The following IPCEF1 variants were observed in gnomAD, a reference collection of about 807,000 sequenced individuals.
The protein encoded by IPCEF1 is interaction protein for cytohesin exchange factors 1, also known as interactor protein for cytohesin exchange factors 1.
In IPCEF1, 31 loss-of-function variants were observed where a neutral mutation model predicts 50.9. The observed-to-expected ratio is 0.61, with a 90% CI of 0.46 to 0.82. The LOEUF (loss-of-function observed/expected upper bound fraction) is 0.82, where lower values mean the gene tolerates loss of function less well. IPCEF1 is among the 40% of genes least tolerant of loss of function. The pLI is 0.00. For synonymous variants in IPCEF1, 181 were observed against 192.0 expected (o/e 0.94, Z 0.47); for missense variants, 458 against 514.0 (o/e 0.89, Z 1.05).
At chr6:154,323,557 G>A (rs1783444571) in intron 1 of IPCEF1, among the ~76,000 whole-genome samples, 1 of 141,268 alleles carries the variant, frequency 7.1e-6, no homozygotes, top group African/African-American at 2.7e-5. Context: ...ATAAATATTT[G>A]CATTACTATC....
At chr6:154,259,251 C>T (rs964865226) in intron 3 of IPCEF1, among the ~76,000 whole-genome samples, 4 of 152,168 alleles carry the variant, frequency 2.6e-5, no homozygotes, top group African/African-American at 9.7e-5. Context: ...TTTTGCTGAA[C>T]AAATCTCTAG....
At chr6:154,354,348 CCATGTCTACCATCACTTCTACCATCTGT>C in intron 1 of IPCEF1, among the ~76,000 whole-genome samples, 1 of 146,176 alleles carries the variant, frequency 6.8e-6, no homozygotes, top group Admixed American at 7.0e-5. Flanking sequence ...ACCATCTCCA[CCATGTCTACCATCACTTCTACCATCTGT>C]CACCTCCACC....
chr6:154,315,338 C>T (rs922628960), intron 1 of IPCEF1, among the ~76,000 whole-genome samples: 5 of 152,152 alleles, frequency 3.3e-5, no homozygotes, highest in Non-Finnish European at 5.9e-5. Context: ...TTTCTATGAA[C>T]ATGACATTTC....
chr6:154,218,949 C>T (rs1471185843), intron 7 of IPCEF1: 4 of 152,094 alleles, frequency 2.6e-5, no homozygotes, highest in Non-Finnish European at 4.4e-5. Flanking sequence ...CATAGATAGG[C>T]GGTAAGATCT....
intron 3 of IPCEF1, among the ~76,000 whole-genome samples, chr6:154,265,582 T>C (rs762246336): frequency 3.3e-5 from 5 of 152,134 alleles, no homozygotes; most frequent in Non-Finnish European, 7.4e-5. Flanking sequence ...CCCAGCCCTA[T>C]TTCAGTGAAA....
intron 1 of IPCEF1, among the ~76,000 whole-genome samples, chr6:154,290,361 A>G (rs1210992869): frequency 6.6e-6 from 1 of 152,198 alleles, no homozygotes; most frequent in Non-Finnish European, 1.5e-5. Context: ...GGAGAGACAG[A>G]AACCCCTGTA....
intron 1 of IPCEF1, among the ~76,000 whole-genome samples, chr6:154,353,529 C>T (rs1449582382): frequency 2.0e-5 from 3 of 152,138 alleles, no homozygotes; most frequent in Admixed American, 6.6e-5. Context: ...TCAGGTGATC[C>T]GCCCGCCTTG....
At chr6:154,333,623 C>A (rs190973259) in intron 1 of IPCEF1, among the ~76,000 whole-genome samples, 1 of 143,608 alleles carries the variant, frequency 7.0e-6, no homozygotes, top group South Asian at 2.2e-4. Context: ...TACATATATA[C>A]GTACATATGT....
At chr6:154,197,484 AT>A (rs1473098445) in intron 10 of IPCEF1, among the ~76,000 whole-genome samples, 3 of 152,234 alleles carry the variant, frequency 2.0e-5, no homozygotes, top group Admixed American at 6.5e-5. Context: ...GAGAAAAAAA[AT>A]ACTTTCATTT....
intron 1 of IPCEF1, among the ~76,000 whole-genome samples, chr6:154,332,956 A>G (rs1333231750): frequency 6.6e-6 from 1 of 152,192 alleles, no homozygotes; most frequent in Non-Finnish European, 1.5e-5. Flanking sequence ...TTGGTCAGAG[A>G]GAATCGAAAA....
chr6:154,297,352 C>T (rs773157723), intron 1 of IPCEF1, among the ~76,000 whole-genome samples: 1 of 152,074 alleles, frequency 6.6e-6, no homozygotes, highest in Non-Finnish European at 1.5e-5. Context: ...AAGTCATTAC[C>T]TTTCTAGGTG....
intron 10 of IPCEF1, among the ~76,000 whole-genome samples, chr6:154,191,986 C>A (rs532788920): frequency 2.6e-5 from 4 of 152,022 alleles, no homozygotes; most frequent in African/African-American, 9.6e-5. Flanking sequence ...AAAGTGTTCA[C>A]CAATAGTAGA....
At chr6:154,214,324 C>T (rs181721099) in intron 7 of IPCEF1, 48 bp from the exon 8 acceptor site, 2 of 1,191,710 alleles carry the variant, frequency 1.7e-6, no homozygotes, top group Non-Finnish European at 1.3e-6. Flanking sequence ...ATTAGCCCCC[C>T]ACCCATTCAC....
At position 154,315,622 on chromosome 6, in the gene IPCEF1, C is replaced by T. The variant is rs187566171; in HGVS notation, c.-61-25866G>A. Among the ~76,000 whole-genome samples, 11 of 152,166 alleles carry T rather than the reference C, an allele frequency of 7.2e-5. No homozygotes were observed. The East Asian group carries it at 1.4e-3, about 19-fold the overall frequency. ...TCCACCATTAATGACAACTAAGTCC[C>T]GGATTTTATCTTAGTCCTGTGGATC... On this transcript the variant is annotated intron_variant, in intron 1 of 11. Transcript: ENST00000367220.
chr6:154,327,250 A>G (rs1259873766), intron 1 of IPCEF1, among the ~76,000 whole-genome samples: 1 of 152,242 alleles, frequency 6.6e-6, no homozygotes, highest in African/African-American at 2.4e-5. Context: ...CTGCACACCA[A>G]AAGAAACTAT....
chr6:154,269,782 T>G (rs1042681997), intron 2 of IPCEF1, among the ~76,000 whole-genome samples: 4 of 152,156 alleles, frequency 2.6e-5, no homozygotes, highest in Non-Finnish European at 5.9e-5. Context: ...ATGGCCATAA[T>G]AAAGAAGAAT....
chr6:154,253,985 A>G (rs1277897663), intron 3 of IPCEF1, among the ~76,000 whole-genome samples: 2 of 152,174 alleles, frequency 1.3e-5, no homozygotes, highest in South Asian at 2.1e-4. Context: ...ATTCAGAGCT[A>G]TACATTTACT....
At chr6:154,185,191 A>T (rs1801227844) in intron 10 of IPCEF1, among the ~76,000 whole-genome samples, 2 of 152,166 alleles carry the variant, frequency 1.3e-5, no homozygotes, top group Non-Finnish European at 2.9e-5. Flanking sequence ...TTTTGAGAAA[A>T]CAGAGCCTAG....
At chr6:154,295,911 GCACACACACA>G (rs58745478) in intron 1 of IPCEF1, among the ~76,000 whole-genome samples, 8 of 150,426 alleles carry the variant, frequency 5.3e-5, no homozygotes, top group South Asian at 2.1e-4. Flanking sequence ...ACACACACAC[GCACACACACA>G]CACACACACA....
Sources: gnomAD v4.1 joint callset for allele counts (sites outside exome capture counted in the v4.1 genomes callset) on GRCh38, gnomAD v4.1.1 for gene constraint, MANE v1.5 for transcripts, NCBI Gene and HGNC (gene_info 2026-07-23, HGNC 2026-07-21) for gene names.